The following DAAM1 variants were observed in gnomAD, a reference collection of about 807,000 sequenced individuals.
DAAM1 encodes dishevelled associated activator of morphogenesis 1.
A neutral mutation model predicts 130.0 loss-of-function variants in DAAM1; 52 were observed. The ratio of observed to expected loss-of-function variants is 0.40; its 90% CI spans 0.32 to 0.50. The LOEUF (loss-of-function observed/expected upper bound fraction) is 0.50. DAAM1 is among the 20% of genes least tolerant of loss of function. The pLI is 0.61. For missense variants in DAAM1, 1,134 were observed against 1,303.8 expected (o/e 0.87, Z 2.01); for synonymous variants, 452 against 444.5 (o/e 1.02, Z -0.21).
intron 21 of DAAM1, among the ~76,000 whole-genome samples, chr14:59,359,809 C>G (rs557249878): frequency 6.6e-6 from 1 of 152,300 alleles, no homozygotes; most frequent in South Asian, 2.1e-4. Context: ...AATAGAAGAC[C>G]TAAGTGTCAG....
At chr14:59,267,017 A>G (rs1882475878) in intron 2 of DAAM1, among the ~76,000 whole-genome samples, 1 of 152,168 alleles carries the variant, frequency 6.6e-6, no homozygotes, top group African/African-American at 2.4e-5. Flanking sequence ...GATGATTTAC[A>G]CCCCACAGAC....
intron 1 of DAAM1, among the ~76,000 whole-genome samples, chr14:59,245,132 T>A (rs999151239): frequency 1.3e-5 from 2 of 152,216 alleles, no homozygotes; most frequent in African/African-American, 2.4e-5. Context: ...TTCTACTGTG[T>A]CTTCACGTGG....
intron 2 of DAAM1, among the ~76,000 whole-genome samples, chr14:59,289,784 A>ATATATATATATATATATACATATATATAT: frequency 7.8e-6 from 1 of 128,710 alleles, no homozygotes. Flanking sequence ...ATATATATAT[A>ATATATATATATATATATACATATATATAT]ATGGAATGCT....
chr14:59,328,450 G>A (rs71416039), intron 12 of DAAM1, among the ~76,000 whole-genome samples: 1,615 of 152,290 alleles, frequency 0.011, 11 homozygotes, highest in Non-Finnish European at 0.018. Context: ...GTTGAGGAGA[G>A]CACTTAGGAT....
chr14:59,284,482 G>T (rs1883357433), intron 2 of DAAM1, among the ~76,000 whole-genome samples: 1 of 152,086 alleles, frequency 6.6e-6, no homozygotes, highest in African/African-American at 2.4e-5. Flanking sequence ...TATTGAAATG[G>T]CTAAAATGTC....
At chr14:59,338,505 G>GT in intron 15 of DAAM1, 1 of 1,454,922 alleles carries the variant, frequency 6.9e-7, no homozygotes, top group Non-Finnish European at 9.5e-7. Flanking sequence ...TTTTGTTTTT[G>GT]TTTTTGTTTT....
rs899807399 is a variant in DAAM1 at position 59,370,479 on chromosome 14, A to T, written c.*1620A>T. ...GCACTGTACAGGAATCATACTATTT[A>T]AAAATAATTTGTATAAACTATAATG... On this transcript the variant is annotated 3_prime_UTR_variant, in exon 25 of 25. Coordinates refer to ENST00000360909, the MANE Select transcript of DAAM1 (RefSeq NM_001270520.2). The T allele has an allele frequency of 1.3e-5, 2 of 152,122 alleles. No homozygotes were observed. Among genetic ancestry groups the T allele is most frequent in the Admixed American group, 6.5e-5 (1 of 15,270 alleles). 9.4% of individuals were successfully genotyped at this position (152,122 alleles called of 1,614,324 possible).
At chr14:59,203,493 G>T (rs56176018) in intron 1 of DAAM1, among the ~76,000 whole-genome samples, 1 of 152,076 alleles carries the variant, frequency 6.6e-6, no homozygotes, top group Non-Finnish European at 1.5e-5. Context: ...TTAGGCCTTA[G>T]GGATAATACT....
intron 23 of DAAM1, among the ~76,000 whole-genome samples, chr14:59,364,462 T>C (rs943754315): frequency 6.6e-6 from 1 of 152,154 alleles, no homozygotes; most frequent in Non-Finnish European, 1.5e-5. Flanking sequence ...CTCACTCCTC[T>C]CTATCTCAGG....
chr14:59,326,098 C>G, intron 10 of DAAM1, 21 bp downstream of exon 10: 1 of 1,600,172 alleles, frequency 6.2e-7, no homozygotes, highest in Non-Finnish European at 8.6e-7. Context: ...TCGTGACTCA[C>G]ATGTGTGCTT....
intron 1 of DAAM1, among the ~76,000 whole-genome samples, chr14:59,226,329 T>A (rs2139436098): frequency 6.6e-6 from 1 of 152,264 alleles, no homozygotes; most frequent in South Asian, 2.1e-4. Flanking sequence ...AGTTGATATA[T>A]CAGAATTATT....
intron 3 of DAAM1, among the ~76,000 whole-genome samples, chr14:59,302,333 C>CTGAGAAA (rs1674004482): frequency 1.3e-5 from 2 of 152,266 alleles, no homozygotes; most frequent in South Asian, 4.1e-4. Flanking sequence ...AATAAGTTAG[C>CTGAGAAA]AATATACAGC....
intron 1 of DAAM1, among the ~76,000 whole-genome samples, chr14:59,208,549 A>G (rs866743250): frequency 3.3e-5 from 5 of 152,160 alleles, no homozygotes; most frequent in Non-Finnish European, 7.4e-5. Context: ...CAACTCTCTC[A>G]GGAGGTCCAG....
chr14:59,223,253 G>A (rs979790886), intron 1 of DAAM1, among the ~76,000 whole-genome samples: 2 of 152,194 alleles, frequency 1.3e-5, no homozygotes, highest in Admixed American at 6.5e-5. Flanking sequence ...ATTTGATGAT[G>A]GAGTGCTGCT....
chr14:59,318,002 G>A (rs1884857015), intron 4 of DAAM1, among the ~76,000 whole-genome samples: 1 of 152,128 alleles, frequency 6.6e-6, no homozygotes, highest in Admixed American at 6.6e-5. Context: ...GCACTTACTA[G>A]TCTGTGAAGC....
chr14:59,319,570 C>T (rs972812079), intron 4 of DAAM1, among the ~76,000 whole-genome samples: 2 of 152,044 alleles, frequency 1.3e-5, no homozygotes, highest in East Asian at 1.9e-4. Context: ...ACTAGACAAG[C>T]GTGTGTTCAG....
chr14:59,316,189 T>G (rs192531594), intron 4 of DAAM1, among the ~76,000 whole-genome samples: 1 of 152,324 alleles, frequency 6.6e-6, no homozygotes, highest in African/African-American at 2.4e-5. Flanking sequence ...ATCTGTTATA[T>G]TCATGTTTAT....
intron 3 of DAAM1, among the ~76,000 whole-genome samples, chr14:59,311,557 A>C (rs1026144041): frequency 2.4e-5 from 2 of 82,122 alleles, no homozygotes; most frequent in Admixed American, 2.8e-4. Context: ...TTATAAGTTA[A>C]AAAAAAAAAA....
chr14:59,345,996 T>C (rs1886064250), intron 16 of DAAM1, among the ~76,000 whole-genome samples: 1 of 152,208 alleles, frequency 6.6e-6, no homozygotes, highest in South Asian at 2.1e-4. Flanking sequence ...ACTTTGTTTT[T>C]CTAGTATAAA....
Sources: gnomAD v4.1 joint callset for allele counts (sites outside exome capture counted in the v4.1 genomes callset) on GRCh38, gnomAD v4.1.1 for gene constraint, MANE v1.5 for transcripts, NCBI Gene and HGNC (gene_info 2026-07-23, HGNC 2026-07-21) for gene names.